The following GDF1 variants were observed in gnomAD, a reference collection of about 807,000 sequenced individuals.
The protein encoded by GDF1 is embryonic growth/differentiation factor 1.
A neutral mutation model predicts 7.4 loss-of-function variants in GDF1; 8 were observed. That is an observed-to-expected ratio of 1.09 (90% CI 0.64 to 1.96). GDF1 has a LOEUF of 1.96. GDF1 is among the 30% of genes most tolerant of loss of function. The probability of loss-of-function intolerance (pLI) is 0.00; values close to 1 mark genes in which losing one functional copy is unlikely to be tolerated. For missense variants in GDF1, 574 were observed against 551.5 expected, an observed-to-expected ratio of 1.04 and a Z score of -0.41; for synonymous variants, 311 against 276.7, an observed-to-expected ratio of 1.12 and a Z score of -1.23.
At chr19:18,881,767 C>CTCTGCTCA (rs3831634) in intron 3 of GDF1, 67,433 of 151,238 alleles carry the variant, frequency 0.45, 15,375 homozygotes, top group South Asian at 0.55. Context: ...TCCTTTCAGT[C>CTCTGCTCA]TCTGCTCATC....
At chr19:18,888,877 A>ATTTC (rs1454129167) in intron 2 of GDF1, among the ~76,000 whole-genome samples, 42 of 146,210 alleles carry the variant, frequency 2.9e-4, no homozygotes, top group African/African-American at 3.8e-4. Flanking sequence ...CTATTCCAGA[A>ATTTC]TTTCTTTCTT....
intron 6 of GDF1, among the ~76,000 whole-genome samples, chr19:18,876,453 C>T (rs2056061883): frequency 6.6e-6 from 1 of 150,540 alleles, no homozygotes; most frequent in African/African-American, 2.4e-5. Context: ...GTGATCCTCC[C>T]ACCTCAGCCT....
intron 7 of GDF1, 90 bp from the exon 8 acceptor site, chr19:18,869,480 T>C: frequency 1.5e-6 from 2 of 1,314,208 alleles, no homozygotes; most frequent in South Asian, 1.3e-5. Context: ...AGGTGAACGC[T>C]GGGGCTCGGG....
intron 2 of GDF1, among the ~76,000 whole-genome samples, chr19:18,892,487 G>A (rs959123861): frequency 6.6e-6 from 1 of 152,064 alleles, no homozygotes; most frequent in Non-Finnish European, 1.5e-5. Flanking sequence ...GGTGGCGGGC[G>A]CCTGTGGTCC....
chr19:18,880,418 A>G lies in GDF1; in HGVS notation c.-715T>C, dbSNP rs1314252199. 2 of 1,589,224 alleles carry G rather than the reference A, an allele frequency of 1.3e-6. No homozygotes were observed. The highest frequency in any genetic ancestry group is 4.5e-5 in the East Asian group (2 of 43,978). On this transcript the variant is annotated 5_prime_UTR_variant, in exon 4 of 8. Coordinates refer to ENST00000247005, the MANE Select transcript of GDF1 (RefSeq NM_001492.6). ...GATATCGTGCAGGAAGAGCACAAGG[A>G]TGCCCACATTGTGGTACCTGGGGGA...
Position 18,878,866 on chromosome 19 carries a change from C to G in GDF1, c.-313+64G>C. 1 of 1,576,288 alleles carries G rather than the reference C, an allele frequency of 6.3e-7. No homozygotes were observed. The highest frequency in any genetic ancestry group is 2.3e-5 in the East Asian group (1 of 43,354). On this transcript the variant is annotated intron_variant, in intron 6 of 7. Coordinates refer to ENST00000247005, the MANE Select transcript of GDF1 (RefSeq NM_001492.6). This position sits in a 1 kb window ranked among gnomAD's most constrained non-coding sequence, Gnocchi z 4.6. Reference sequence around the variant, plus strand: ...CTGCTGGGTCTTGGGGGCCTGCCCACGAACACGCTTGGACGGGTGACACTA... The same window carrying G: ...CTGCTGGGTCTTGGGGGCCTGCCCAGGAACACGCTTGGACGGGTGACACTA...
intron 2 of GDF1, among the ~76,000 whole-genome samples, chr19:18,888,532 A>AC (rs2056416080): frequency 6.7e-6 from 1 of 148,518 alleles, no homozygotes; most frequent in African/African-American, 2.5e-5. Context: ...AAAAAAAAAA[A>AC]AAAAAAAAAA....
chr19:18,869,935 CG>C (rs1159811979), intron 7 of GDF1, 47 bp downstream of exon 7: 1 of 1,525,868 alleles, frequency 6.6e-7, no homozygotes, highest in Non-Finnish European at 8.9e-7. Flanking sequence ...GCTCGCCCTG[CG>C]AGGTCTGGCC....
chr19:18,872,309 C>T (rs2055984607), intron 6 of GDF1, among the ~76,000 whole-genome samples: 1 of 152,202 alleles, frequency 6.6e-6, no homozygotes, highest in African/African-American at 2.4e-5. Flanking sequence ...GCGGTGTACC[C>T]ACCTTGGGGG....
Position 18,878,231 on chromosome 19 carries a change from G to A in GDF1, c.-313+699C>T. 1 of 985,608 alleles carries A rather than the reference G, an allele frequency of 1.0e-6. No homozygotes were observed. The highest frequency in any genetic ancestry group is 1.2e-6 in the Non-Finnish European group (1 of 830,178). 61.1% of individuals were successfully genotyped at this position (985,608 alleles called of 1,614,324 possible). A position where few individuals can be genotyped will look rare whatever the true frequency, so the allele number is the denominator to read the frequency against. Reference sequence around the variant, plus strand: ...CTCAAACACTCCTCACGTTGCCTATGAGACACTGCACACCCGACTCTGCTT... The same window carrying A: ...CTCAAACACTCCTCACGTTGCCTATAAGACACTGCACACCCGACTCTGCTT... On this transcript the variant is annotated intron_variant, in intron 6 of 7. Transcript: ENST00000247005. The surrounding 1 kb of genome is among the most constrained non-coding windows in gnomAD (Gnocchi z 4.6).
At chr19:18,883,238 T>C (rs1210752361) in intron 3 of GDF1, 2 of 152,196 alleles carry the variant, frequency 1.3e-5, no homozygotes, top group Non-Finnish European at 2.9e-5. Flanking sequence ...AGGAATAGTA[T>C]ATGAGCAGTG....
At position 18,868,611 on chromosome 19, in the gene GDF1, A is replaced by G; in HGVS notation, c.1105T>C (p.Cys369Arg). The G allele has an allele frequency of 6.4e-7, 1 of 1,562,090 alleles. No homozygotes were observed. The highest frequency in any genetic ancestry group is 8.7e-7 in the Non-Finnish European group (1 of 1,153,372). ...RQYEDMVVDE[C>R]GCR Reference sequence around the variant, plus strand: ...CCCGCCCCGGGTTAGCGGCAGCCGCACTCGTCCACCACCATGTCCTCATAC... The same window carrying G: ...CCCGCCCCGGGTTAGCGGCAGCCGCGCTCGTCCACCACCATGTCCTCATAC... Residue 369 changes from cysteine (C) to arginine (R), a missense_variant, in exon 8 of 8, where the codon TGC becomes CGC. Transcript: ENST00000247005.
rs77993385 is a variant in GDF1 at position 18,877,918 on chromosome 19, G to A, written c.-313+1012C>T. The A allele has an allele frequency of 1.4e-4, 133 of 966,202 alleles. 1 individual carries two copies. The East Asian group carries it at 6.7e-3, about 49-fold the overall frequency. The allele number at this position is 966,202 out of a possible 1,614,324, so 59.9% of individuals were successfully genotyped here. On this transcript the variant is annotated intron_variant, in intron 6 of 7. Coordinates refer to ENST00000247005, the MANE Select transcript of GDF1 (RefSeq NM_001492.6). ...CAGCTCGAGCCAAAAGTCTTGAGTC[G>A]TCTTTGATTCTTTTATTTCTGTTTC... is the stretch of plus-strand genomic sequence containing the variant.
chr19:18,895,258 G>A lies in GDF1; in HGVS notation c.-1074+566C>T, dbSNP rs2056596879. ...GCTCCTGCCTCTTCCCGATTACAGCGGGCAAGCCGGCCCCGCCGCCGCACG... is the reference window on the plus strand; with the variant it reads ...GCTCCTGCCTCTTCCCGATTACAGCAGGCAAGCCGGCCCCGCCGCCGCACG... On this transcript the variant is annotated intron_variant, in intron 1 of 7. Transcript: ENST00000247005. The surrounding 1 kb of genome is among the most constrained non-coding windows in gnomAD (Gnocchi z 6.4). 6.6e-6 allele frequency among the ~76,000 whole-genome samples: 1 copy of A among 152,240 alleles called. No individual in the cohort carries two copies. The highest frequency in any genetic ancestry group is 2.4e-5 in the African/African-American group (1 of 41,470).
intron 6 of GDF1, chr19:18,877,840 G>A (rs969343631): frequency 6.7e-5 from 21 of 313,082 alleles, no homozygotes; most frequent in Non-Finnish European, 7.8e-5. Flanking sequence ...TCCTAACGCC[G>A]CATCTGCCAG....
rs1051017028 is a variant in GDF1 at position 18,876,506 on chromosome 19, T to C, written c.-313+2424A>G. Among the ~76,000 whole-genome samples the C allele has an allele frequency of 2.0e-5, 3 of 150,196 alleles. 1 individual carries two copies. ...ATAGGTGTGTGCCACAACACATGGC[T>C]GTTTTTTGTTTTGTTTTGTTTTGAT... On this transcript the variant is annotated intron_variant, in intron 6 of 7. Coordinates refer to ENST00000247005, the MANE Select transcript of GDF1 (RefSeq NM_001492.6).
intron 6 of GDF1, among the ~76,000 whole-genome samples, chr19:18,877,519 A>G (rs1168834571): frequency 1.3e-5 from 2 of 152,300 alleles, no homozygotes; most frequent in South Asian, 2.1e-4. Context: ...TGGGAGGCTA[A>G]GGCATGTGGA....
chr19:18,877,776 A>G (rs2056087226), intron 6 of GDF1: 1 of 151,486 alleles, frequency 6.6e-6, no homozygotes, highest in Admixed American at 7.1e-5. Context: ...AAAAAAAAAG[A>G]ATTCTTGACT....
At chr19:18,872,357 T>C (rs1163632350) in intron 6 of GDF1, among the ~76,000 whole-genome samples, 4 of 151,140 alleles carry the variant, frequency 2.6e-5, no homozygotes, top group Admixed American at 6.6e-5. Flanking sequence ...TCTTGTTTTG[T>C]TTTTTTTTGA....
Sources: gnomAD v4.1 joint callset for allele counts (sites outside exome capture counted in the v4.1 genomes callset) on GRCh38, gnomAD v4.1.1 for gene constraint, Gnocchi (gnomAD v3.1) non-coding constraint, MANE v1.5 for transcripts, NCBI Gene and HGNC (gene_info 2026-07-23, HGNC 2026-07-21) for gene names.